Variants in PCDHGB1 observed in about 807,000 individuals in gnomAD.
The protein encoded by PCDHGB1 is protocadherin gamma subfamily B, 1, also known as protocadherin gamma-B1.
In PCDHGB1, 34 loss-of-function variants were observed where a neutral mutation model predicts 56.6. That is an observed-to-expected ratio of 0.60 (90% CI 0.46 to 0.80). PCDHGB1 has a LOEUF of 0.80. Ranked by LOEUF, PCDHGB1 falls within the 30% of genes least tolerant of loss-of-function variation. The probability of loss-of-function intolerance (pLI) is 0.00; values close to 1 mark genes in which losing one functional copy is unlikely to be tolerated. For missense variants in PCDHGB1, 1,278 were observed against 1,204.6 expected (o/e 1.06, Z -0.90); for synonymous variants, 561 against 505.9 (o/e 1.11, Z -1.46).
intron 1 of PCDHGB1, chr5:141,372,345 C>G: frequency 1.2e-6 from 2 of 1,613,816 alleles, no homozygotes; most frequent in South Asian, 2.2e-5. Context: ...TGATGGAGGA[C>G]AGCAGCCTCT....
intron 1 of PCDHGB1, chr5:141,389,107 T>C (rs1349471179): frequency 1.2e-6 from 2 of 1,613,940 alleles, no homozygotes; most frequent in Non-Finnish European, 8.5e-7. Context: ...GATGCTGTTC[T>C]AGACCGCGAG....
In PCDHGB1 at chr5:141,431,213, TTCCC is replaced by T. The variant is rs1373533151; in HGVS notation, c.2410-63591_2410-63588del. 1 of 1,614,142 alleles carries T rather than the reference TTCCC, an allele frequency of 6.2e-7. No homozygotes were observed. Among genetic ancestry groups the T allele is most frequent in the Admixed American group, 1.7e-5 (1 of 60,020 alleles). On this transcript the variant is annotated intron_variant, in intron 1 of 3. Transcript: ENST00000523390. This position sits in a 1 kb window ranked among gnomAD's most constrained non-coding sequence, Gnocchi z 4.8. ...TGAAAATGCAGCCACTGAGATGCGGTTCCCTCTACCCCACGCCTGGGATCCGGAT... is the reference window on the plus strand; with the variant it reads ...TGAAAATGCAGCCACTGAGATGCGGTTCTACCCCACGCCTGGGATCCGGAT...
In PCDHGB1 at chr5:141,350,353, C is replaced by G. The variant is rs879584256; in HGVS notation, c.93C>G (p.Ile31Met). The change falls in exon 1 of 4, where the codon ATC becomes ATG. Residue 31 changes from isoleucine (I) to methionine (M), a missense_variant. Ile to Met is a conservative substitution (Grantham distance 10). Transcript: ENST00000523390. ...SLFCGAISQQ[I>M]RYTIPEELAN... ...TCTGCGGGGCCATCTCCCAGCAGAT[C>G]CGATACACGATTCCAGAGGAGCTAG... The G allele has an allele frequency of 2.6e-6, 4 of 1,563,430 alleles. No individual in the cohort carries two copies. The highest frequency in any genetic ancestry group is 1.2e-5 in the South Asian group (1 of 81,536).
chr5:141,487,032 C>T lies in PCDHGB1; in HGVS notation c.2410-7775C>T. 6.2e-7 allele frequency: 1 copy of T among 1,614,210 alleles called. No individual in the cohort carries two copies. The highest frequency in any genetic ancestry group is 1.1e-5 in the South Asian group (1 of 91,084). ...GAGGCCCCAGATCCCAGCCTGTTTG[C>T]AGTCTCTCGATATGCTGGGGAGGTG... On this transcript the variant is annotated intron_variant, in intron 1 of 3. Coordinates refer to ENST00000523390, the MANE Select transcript of PCDHGB1 (RefSeq NM_018922.3). The surrounding 1 kb of genome is among the most constrained non-coding windows in gnomAD (Gnocchi z 5.0).
intron 1 of PCDHGB1, chr5:141,417,591 C>T (rs1287721863): frequency 2.1e-6 from 1 of 484,478 alleles, no homozygotes; most frequent in East Asian, 3.4e-5. Context: ...CACAGAGCCT[C>T]TGGGCGCCGC....
intron 3 of PCDHGB1, among the ~76,000 whole-genome samples, chr5:141,509,962 C>A (rs1186902807): frequency 2.0e-5 from 3 of 152,206 alleles, no homozygotes. Context: ...CGGGTATGGC[C>A]TTGGTCCTTC....
intron 1 of PCDHGB1, chr5:141,370,251 A>G (rs981279976): frequency 4.3e-6 from 3 of 695,796 alleles, no homozygotes; most frequent in Non-Finnish European, 6.9e-6. Context: ...TGCACTCTCT[A>G]TCAGGCTTCC....
At chr5:141,409,030 GAT>G in intron 1 of PCDHGB1, 1 of 1,614,010 alleles carries the variant, frequency 6.2e-7, no homozygotes, top group Non-Finnish European at 8.5e-7. Context: ...TCAATGCTGA[GAT>G]AAACTACTAC....
chr5:141,426,276 C>A, intron 1 of PCDHGB1: 1 of 164,340 alleles, frequency 6.1e-6, no homozygotes, highest in South Asian at 1.6e-4. Context: ...TGCAGCAACG[C>A]ATGGGAAGGA....
At chr5:141,355,062 G>T in intron 1 of PCDHGB1, 1 of 1,307,732 alleles carries the variant, frequency 7.6e-7, no homozygotes, top group Non-Finnish European at 1.0e-6. Flanking sequence ...TGGCTCTGGA[G>T]CTTTATGAAA....
intron 1 of PCDHGB1, chr5:141,413,694 C>G (rs2095667651): frequency 1.2e-6 from 2 of 1,613,800 alleles, no homozygotes; most frequent in East Asian, 4.5e-5. Context: ...CCCTGCAGAG[C>G]TATCAGCTCA....
At position 141,355,934 on chromosome 5, in the gene PCDHGB1, C is replaced by T. The variant is rs757693258; in HGVS notation, c.2409+3265C>T. The T allele has an allele frequency of 1.9e-6, 3 of 1,613,710 alleles. No individual in the cohort carries two copies. In the East Asian group the frequency reaches 6.7e-5, roughly 36 times the overall value. On this transcript the variant is annotated intron_variant, in intron 1 of 3. Transcript: ENST00000523390. Reference sequence around the variant, plus strand: ...GATAATGCTCCCGTGTTCACTCAGCCCGAGTACCACGTAAGTGTTCGTGAG... The same window carrying T: ...GATAATGCTCCCGTGTTCACTCAGCTCGAGTACCACGTAAGTGTTCGTGAG...
rs903741318 is a variant in PCDHGB1, at chr5:141,454,939, C to G, written c.2410-39868C>G. On this transcript the variant is annotated intron_variant, in intron 1 of 3. Coordinates refer to ENST00000523390, the MANE Select transcript of PCDHGB1 (RefSeq NM_018922.3). ...TCTCCTGCCTCAGCCTCCCGAGTAG[C>G]TGGGACTACAGGCGCCGGCCACCAC... 6.0e-5 allele frequency among the ~76,000 whole-genome samples: 9 copies of G among 150,982 alleles called. No homozygotes were observed. The East Asian group carries it at 1.8e-3, about 30-fold the overall frequency.
At chr5:141,418,726 G>C (rs1399333996) in intron 1 of PCDHGB1, 1 of 1,613,986 alleles carries the variant, frequency 6.2e-7, no homozygotes, top group Non-Finnish European at 8.5e-7. Flanking sequence ...ACAAAGCTCA[G>C]CACGTGTTCT....
chr5:141,490,205 C>A lies in PCDHGB1; in HGVS notation c.2410-4602C>A. 1 of 1,614,168 alleles carries A rather than the reference C, an allele frequency of 6.2e-7. No individual in the cohort carries two copies. The highest frequency in any genetic ancestry group is 8.5e-7 in the Non-Finnish European group (1 of 1,180,004). ...CGTTTCTATGAAATTCATGCAAGAG[C>A]CCGTGACCAGGGACAGCCTGCCATG... On this transcript the variant is annotated intron_variant, in intron 1 of 3. Transcript: ENST00000523390. This position sits in a 1 kb window ranked among gnomAD's most constrained non-coding sequence, Gnocchi z 5.4.
intron 1 of PCDHGB1, among the ~76,000 whole-genome samples, chr5:141,380,915 GT>G (rs1776856822): frequency 6.6e-6 from 1 of 152,180 alleles, no homozygotes; most frequent in Admixed American, 6.5e-5. Flanking sequence ...TGCTTACATT[GT>G]TTAATAATCA....
In PCDHGB1 at chr5:141,489,663, C is replaced by T. The variant is rs1183544696; in HGVS notation, c.2410-5144C>T. The T allele has an allele frequency of 1.9e-6, 3 of 1,614,048 alleles. No individual in the cohort carries two copies. The highest frequency in any genetic ancestry group is 2.2e-5 in the South Asian group (2 of 91,094). ...TTGCCACCCCTGAGCGAGAGATGCGCATCTCAGAATCAGCAGCATCTGGGG... is the reference window on the plus strand; with the variant it reads ...TTGCCACCCCTGAGCGAGAGATGCGTATCTCAGAATCAGCAGCATCTGGGG... On this transcript the variant is annotated intron_variant, in intron 1 of 3. Coordinates refer to ENST00000523390, the MANE Select transcript of PCDHGB1 (RefSeq NM_018922.3). This position sits in a 1 kb window ranked among gnomAD's most constrained non-coding sequence, Gnocchi z 4.5.
intron 1 of PCDHGB1, chr5:141,442,400 C>G (rs1478739190): frequency 6.6e-6 from 1 of 152,224 alleles, no homozygotes; most frequent in Admixed American, 6.5e-5. Context: ...TCCTACGAAT[C>G]CAGGGCTGAG....
chr5:141,403,163 A>C, intron 1 of PCDHGB1: 1 of 1,614,052 alleles, frequency 6.2e-7, no homozygotes, highest in South Asian at 1.1e-5. Flanking sequence ...CTCTAGAGGT[A>C]GGACGCAGCT....
Sources: gnomAD v4.1 joint callset for allele counts (sites outside exome capture counted in the v4.1 genomes callset) on GRCh38, gnomAD v4.1.1 for gene constraint, Gnocchi (gnomAD v3.1) non-coding constraint, MANE v1.5 for transcripts, NCBI Gene and HGNC (gene_info 2026-07-23, HGNC 2026-07-21) for gene names.